Variants in LINC01488 observed in about 807,000 individuals in gnomAD.
LINC01488 encodes the protein long independently transcribed non-coding RNA 1488.
chr11:69,492,027 A>G (rs1857231143), intron 3 of LINC01488: 1 of 152,332 alleles, frequency 6.6e-6, no homozygotes, highest in Non-Finnish European at 1.5e-5. Flanking sequence ...TTTGGACCTC[A>G]TCGGCCACTG....
chr11:69,487,512 C>T (rs909875275), intron 1 of LINC01488, among the ~76,000 whole-genome samples: 11 of 152,212 alleles, frequency 7.2e-5, no homozygotes, highest in Non-Finnish European at 2.9e-5. Context: ...GTTTGGCCTC[C>T]GCCCTGTCCT....
intron 1 of LINC01488, chr11:69,490,349 CAA>C (rs1167675877): frequency 2.0e-5 from 3 of 152,444 alleles, no homozygotes; most frequent in African/African-American, 7.2e-5. Flanking sequence ...GCTGTGAAGA[CAA>C]AGAACCTGAA....
At chr11:69,482,112 A>G (rs1465645417) in intron 1 of LINC01488, among the ~76,000 whole-genome samples, 1 of 152,142 alleles carries the variant, frequency 6.6e-6, no homozygotes, top group African/African-American at 2.4e-5. Flanking sequence ...AAGAGGTTTA[A>G]TGGACTCACA....
At chr11:69,492,727 T>C (rs1857243557) in exon 4 of LINC01488, 2 of 152,124 alleles carry the variant, frequency 1.3e-5, no homozygotes, top group African/African-American at 2.4e-5. Flanking sequence ...CCACTGCAAT[T>C]GTGGTATTTG....
intron 1 of LINC01488, among the ~76,000 whole-genome samples, chr11:69,484,853 C>T (rs1226814021): frequency 6.6e-6 from 1 of 152,220 alleles, no homozygotes; most frequent in African/African-American, 2.4e-5. Context: ...TCACCTCCTC[C>T]CTGAAGCCGT....
intron 1 of LINC01488, among the ~76,000 whole-genome samples, chr11:69,484,773 G>A (rs114680918): frequency 3.9e-5 from 6 of 152,192 alleles, no homozygotes; most frequent in African/African-American, 2.4e-5. Context: ...CTGGGGCCTC[G>A]TCTTCAGTCT....
At chr11:69,483,510 G>A (rs1325934913) in intron 1 of LINC01488, among the ~76,000 whole-genome samples, 3 of 152,244 alleles carry the variant, frequency 2.0e-5, no homozygotes, top group Admixed American at 6.5e-5. Flanking sequence ...CACTAGGTCA[G>A]TGTTTGCTAA....
exon 4 of LINC01488, chr11:69,492,227 G>A (rs573414589): frequency 2.6e-5 from 4 of 152,342 alleles, no homozygotes; most frequent in East Asian, 3.9e-4. Context: ...TGGTGATGGC[G>A]GGGTAGAGCC....
intron 1 of LINC01488, among the ~76,000 whole-genome samples, chr11:69,490,279 G>A (rs1213173676): frequency 1.3e-5 from 2 of 152,166 alleles, no homozygotes; most frequent in Non-Finnish European, 2.9e-5. Context: ...AGGGTAGAGC[G>A]GTAAGGCTGG....
chr11:69,483,873 C>T (rs1056306297), intron 1 of LINC01488, among the ~76,000 whole-genome samples: 3 of 152,204 alleles, frequency 2.0e-5, no homozygotes, highest in Non-Finnish European at 2.9e-5. Flanking sequence ...CGGGTGCCTC[C>T]CGGTGGGCTG....
At chr11:69,491,397 C>T (rs1384711336) in exon 3 of LINC01488, 1 of 152,290 alleles carries the variant, frequency 6.6e-6, no homozygotes, top group Non-Finnish European at 1.5e-5. Flanking sequence ...CTTGCTTATC[C>T]CAGCATCCAC....
At chr11:69,490,286 C>G (rs796460925) in intron 1 of LINC01488, among the ~76,000 whole-genome samples, 1 of 152,216 alleles carries the variant, frequency 6.6e-6, no homozygotes, top group African/African-American at 2.4e-5. Context: ...AGCGGTAAGG[C>G]TGGCAGGACT....
intron 1 of LINC01488, among the ~76,000 whole-genome samples, chr11:69,488,656 G>A (rs980654258): frequency 3.3e-5 from 5 of 152,260 alleles, no homozygotes; most frequent in African/African-American, 1.2e-4. Context: ...CACCATGCTT[G>A]CCCATCAGAG....
intron 2 of LINC01488, chr11:69,490,578 A>T (rs750128964): frequency 6.6e-6 from 1 of 152,216 alleles, no homozygotes; most frequent in African/African-American, 2.4e-5. Flanking sequence ...GGGGTCCCTG[A>T]GGCGGGCTCA....
intron 1 of LINC01488, among the ~76,000 whole-genome samples, chr11:69,482,962 T>C (rs77250588): frequency 0.028 from 4,308 of 152,320 alleles, 207 homozygotes; most frequent in African/African-American, 0.098. Flanking sequence ...CTCCTTTTAA[T>C]TTGATTACAT....
intron 1 of LINC01488, among the ~76,000 whole-genome samples, chr11:69,482,537 T>TG (rs1205796587): frequency 4.0e-5 from 6 of 150,764 alleles, no homozygotes; most frequent in African/African-American, 1.5e-4. Flanking sequence ...AATGGATGGA[T>TG]GATGAGTGGA....
chr11:69,490,273 T>C (rs1676245455), intron 1 of LINC01488, among the ~76,000 whole-genome samples: 1 of 151,976 alleles, frequency 6.6e-6, no homozygotes, highest in Non-Finnish European at 1.5e-5. Flanking sequence ...CTCTGTAGGG[T>C]AGAGCGGTAA....
chr11:69,485,625 G>A (rs1266015987), intron 1 of LINC01488: 1 of 152,408 alleles, frequency 6.6e-6, no homozygotes, highest in East Asian at 1.9e-4. Flanking sequence ...CCCCAGCCAG[G>A]ACATTGTCTG....
At chr11:69,486,362 G>A (rs1857117529) in intron 1 of LINC01488, among the ~76,000 whole-genome samples, 1 of 152,130 alleles carries the variant, frequency 6.6e-6, no homozygotes, top group African/African-American at 2.4e-5. Flanking sequence ...ACCGGGCCTC[G>A]AAACTTGGCT....
Sources: allele counts gnomAD v4.1 joint callset (sites outside exome capture counted in the v4.1 genomes callset), GRCh38; gene constraint gnomAD v4.1.1; transcripts MANE v1.5; gene names NCBI Gene and HGNC (gene_info 2026-07-23, HGNC 2026-07-21).